NFATC1: variants seen among roughly 807,000 people sequenced by gnomAD.
NFATC1 encodes the protein nuclear factor of activated T cells 1.
In NFATC1, 22 loss-of-function variants were observed where a neutral mutation model predicts 76.0. That is an observed-to-expected ratio of 0.29 (90% CI 0.21 to 0.41). The LOEUF (loss-of-function observed/expected upper bound fraction) is 0.41. NFATC1 is among the 10% of genes least tolerant of loss of function. The pLI is 1.00. For synonymous variants in NFATC1, 704 were observed against 613.1 expected (o/e 1.15, Z -2.19); for missense variants, 1,357 against 1,337.7 (o/e 1.01, Z -0.23).
chr18:79,423,754 T>G (rs1287347202), intron 2 of NFATC1, among the ~76,000 whole-genome samples: 5 of 152,128 alleles, frequency 3.3e-5, no homozygotes, highest in African/African-American at 1.2e-4. Flanking sequence ...CATCCACCGA[T>G]TCCATCTTTC....
intron 3 of NFATC1, among the ~76,000 whole-genome samples, chr18:79,434,352 C>G (rs1366759260): frequency 6.6e-6 from 1 of 152,202 alleles, no homozygotes; most frequent in Admixed American, 6.5e-5. Flanking sequence ...TCACACCTTG[C>G]GGGAAAGCCA....
At position 79,410,536 on chromosome 18, in the gene NFATC1, G is replaced by A. The variant is rs1050026846; in HGVS notation, c.261G>A (p.Ser87=). ...TCATCCCGCCGGCGGATCACCCCTC[G>A]GGGTACGGAGCAGCTTTGGACGGTG... ...PGIIPPADHP[S]GYGAALDGGP... Residue 87 remains serine, a synonymous_variant, in exon 2 of 10, where the codon TCG becomes TCA. Coordinates refer to ENST00000427363, the MANE Select transcript of NFATC1 (RefSeq NM_001278669.2). The surrounding 1 kb of genome is among the most constrained non-coding windows in gnomAD (Gnocchi z 6.7). The A allele has an allele frequency of 2.0e-5, 32 of 1,611,534 alleles. No homozygotes were observed. The highest frequency in any genetic ancestry group is 4.5e-5 in the East Asian group (2 of 44,880).
At chr18:79,396,832 TC>T (rs1287556578) in intron 1 of NFATC1, among the ~76,000 whole-genome samples, 1 of 148,190 alleles carries the variant, frequency 6.7e-6, no homozygotes, top group Non-Finnish European at 1.5e-5. Flanking sequence ...TGGCGGCGTC[TC>T]CCTCGCGCCG....
At chr18:79,425,125 C>T (rs2086265866) in intron 2 of NFATC1, among the ~76,000 whole-genome samples, 1 of 151,960 alleles carries the variant, frequency 6.6e-6, no homozygotes, top group Admixed American at 6.6e-5. Flanking sequence ...CGCTCTGTCT[C>T]TCTCTGTCTC....
intron 8 of NFATC1, among the ~76,000 whole-genome samples, chr18:79,483,669 C>T (rs1285804043): frequency 6.8e-6 from 1 of 147,864 alleles, no homozygotes; most frequent in African/African-American, 2.5e-5. Flanking sequence ...TCCAGCGTGA[C>T]CTTGTCCTGG....
At chr18:79,522,368 C>CTG (rs1265679303) in intron 9 of NFATC1, among the ~76,000 whole-genome samples, 22 of 38,878 alleles carry the variant, frequency 5.7e-4, no homozygotes, top group African/African-American at 1.1e-3. Context: ...GTTTGTGTCT[C>CTG]TGTGTGTGTG....
chr18:79,488,110 TCA>T (rs1009018085), intron 9 of NFATC1, among the ~76,000 whole-genome samples: 1 of 152,110 alleles, frequency 6.6e-6, no homozygotes, highest in Admixed American at 6.5e-5. Flanking sequence ...CGTCAGGAGC[TCA>T]GTTTCCCATC....
intron 3 of NFATC1, among the ~76,000 whole-genome samples, chr18:79,444,761 C>T (rs1295615069): frequency 7.0e-6 from 1 of 142,302 alleles, no homozygotes. Context: ...CCACAGACCA[C>T]ACCGGCGCTG....
intron 6 of NFATC1, among the ~76,000 whole-genome samples, chr18:79,459,521 A>G (rs899297658): frequency 1.3e-5 from 2 of 152,100 alleles, no homozygotes; most frequent in African/African-American, 2.4e-5. Context: ...TGTGCGCCTC[A>G]GTGTCCCTCC....
chr18:79,490,102 G>GCCCCCGC (rs2089633198), intron 9 of NFATC1, among the ~76,000 whole-genome samples: 2 of 151,852 alleles, frequency 1.3e-5, no homozygotes, highest in Non-Finnish European at 2.9e-5. Context: ...CCCCGCCCCC[G>GCCCCCGC]CCCCCCCGTG....
At chr18:79,405,045 A>G (rs1010565947) in intron 1 of NFATC1, among the ~76,000 whole-genome samples, 5 of 152,196 alleles carry the variant, frequency 3.3e-5, no homozygotes, top group Non-Finnish European at 7.3e-5. Flanking sequence ...TGCTGAGGCC[A>G]GTGGGACTAG....
chr18:79,479,539 G>A (rs1454867755), intron 8 of NFATC1, among the ~76,000 whole-genome samples: 4 of 152,268 alleles, frequency 2.6e-5, no homozygotes, highest in Admixed American at 6.5e-5. Flanking sequence ...CAGTATGTTC[G>A]TGTGTTTAAG....
chr18:79,428,995 C>T (rs1388689033), intron 2 of NFATC1, among the ~76,000 whole-genome samples: 2 of 152,094 alleles, frequency 1.3e-5, no homozygotes, highest in Admixed American at 6.5e-5. Flanking sequence ...CTGAAGCGGG[C>T]GGATCACCTG....
At chr18:79,398,595 G>A (rs116414474) in intron 1 of NFATC1, among the ~76,000 whole-genome samples, 1,664 of 152,324 alleles carry the variant, frequency 0.011, 34 homozygotes, top group African/African-American at 0.038. Flanking sequence ...CCCTTCTCTG[G>A]GATGGAGACC....
chr18:79,435,887 G>A (rs895417888), intron 3 of NFATC1, among the ~76,000 whole-genome samples: 4 of 152,174 alleles, frequency 2.6e-5, no homozygotes, highest in African/African-American at 7.2e-5. Context: ...TCCCCTGCAC[G>A]GAGAATGTCA....
chr18:79,428,498 C>T (rs1387230130), intron 2 of NFATC1, among the ~76,000 whole-genome samples: 1 of 152,198 alleles, frequency 6.6e-6, no homozygotes, highest in African/African-American at 2.4e-5. Flanking sequence ...TGGTTCTGCG[C>T]TCAGGGCATG....
chr18:79,464,385 G>A (rs566186594), intron 7 of NFATC1, among the ~76,000 whole-genome samples: 2 of 152,134 alleles, frequency 1.3e-5, no homozygotes, highest in South Asian at 2.1e-4. Context: ...GTGAGCCACC[G>A]CGCCCGGCCT....
intron 1 of NFATC1, chr18:79,400,388 C>T: frequency 1.3e-6 from 2 of 1,484,718 alleles, no homozygotes; most frequent in Non-Finnish European, 1.8e-6. Flanking sequence ...CGGCCCGACC[C>T]GCCATGACGG....
At chr18:79,484,834 G>A (rs929710930) in intron 8 of NFATC1, among the ~76,000 whole-genome samples, 3 of 152,082 alleles carry the variant, frequency 2.0e-5, no homozygotes, top group Admixed American at 6.5e-5. Context: ...CTTCACGACC[G>A]CCGGGACCTG....
Sources: allele counts gnomAD v4.1 joint callset (sites outside exome capture counted in the v4.1 genomes callset), GRCh38; gene constraint gnomAD v4.1.1; non-coding constraint Gnocchi (gnomAD v3.1); transcripts MANE v1.5; gene names NCBI Gene and HGNC (gene_info 2026-07-23, HGNC 2026-07-21).